The following NRXN1 variants were observed in gnomAD, a reference collection of about 807,000 sequenced individuals.
NRXN1 encodes the protein neurexin-1.
A neutral mutation model predicts 150.9 loss-of-function variants in NRXN1; 39 were observed. That is an observed-to-expected ratio of 0.26 (90% confidence interval 0.20 to 0.34). The LOEUF (loss-of-function observed/expected upper bound fraction) is 0.34. NRXN1 is among the 10% of genes least tolerant of loss of function. The pLI, the probability that NRXN1 is intolerant of heterozygous loss-of-function variation, is 1.00. For synonymous variants in NRXN1, 924 were observed against 757.0 expected, an observed-to-expected ratio of 1.22 and a Z score of -3.62; for missense variants, 1,815 against 1,949.9, an observed-to-expected ratio of 0.93 and a Z score of 1.30.
intron 17 of NRXN1, among the ~76,000 whole-genome samples, chr2:50,409,659 T>C (rs1457780460): frequency 6.6e-6 from 1 of 152,232 alleles, no homozygotes; most frequent in African/African-American, 2.4e-5. Context: ...CTTTTTGAGT[T>C]AAGCCCTGTT....
chr2:50,685,148 T>G (rs563084120), intron 5 of NRXN1, among the ~76,000 whole-genome samples: 1 of 152,346 alleles, frequency 6.6e-6, no homozygotes, highest in Admixed American at 6.5e-5. Flanking sequence ...TTATTATTTT[T>G]ATTATTATTT....
At chr2:50,444,618 T>C (rs1325981566) in intron 17 of NRXN1, among the ~76,000 whole-genome samples, 1 of 152,108 alleles carries the variant, frequency 6.6e-6, no homozygotes, top group Admixed American at 6.6e-5. Context: ...TCAGGGGCAA[T>C]ATTTAAGAGG....
intron 5 of NRXN1, among the ~76,000 whole-genome samples, chr2:50,845,169 T>A (rs1022139710): frequency 6.6e-6 from 1 of 152,054 alleles, no homozygotes; most frequent in Non-Finnish European, 1.5e-5. Context: ...ATTTAAAAAA[T>A]TGCCTCTGAG....
intron 5 of NRXN1, among the ~76,000 whole-genome samples, chr2:50,722,110 G>A (rs755948048): frequency 5.3e-5 from 8 of 152,054 alleles, no homozygotes; most frequent in Non-Finnish European, 1.0e-4. Context: ...GTATTCCATA[G>A]ACTCTATCAA....
chr2:50,055,154 G>T, intron 19 of NRXN1, 110 bp from the exon 20 acceptor site: 1 of 690,606 alleles, frequency 1.4e-6, no homozygotes, highest in Non-Finnish European at 2.3e-6. Context: ...TTTGAAATTT[G>T]GAATTTTAAA....
At chr2:50,362,714 G>A (rs1456575941) in intron 17 of NRXN1, among the ~76,000 whole-genome samples, 1 of 152,034 alleles carries the variant, frequency 6.6e-6, no homozygotes, top group African/African-American at 2.4e-5. Context: ...AGCTACCATT[G>A]ACTTCCTTTA....
intron 21 of NRXN1, among the ~76,000 whole-genome samples, chr2:49,988,992 T>C (rs1358519392): frequency 2.0e-5 from 3 of 152,208 alleles, no homozygotes; most frequent in Non-Finnish European, 2.9e-5. Context: ...ATCTGAAGCA[T>C]TGCCCAGCAC....
intron 18 of NRXN1, among the ~76,000 whole-genome samples, chr2:50,157,482 T>C (rs1471234868): frequency 6.6e-6 from 1 of 152,080 alleles, no homozygotes; most frequent in Admixed American, 6.6e-5. Flanking sequence ...TTATGCTACT[T>C]GAGGGCAGAA....
At chr2:51,031,689 G>C (rs1671579400) in intron 1 of NRXN1, among the ~76,000 whole-genome samples, 1 of 152,086 alleles carries the variant, frequency 6.6e-6, no homozygotes, top group East Asian at 1.9e-4. Flanking sequence ...GAAATATATG[G>C]AGAGATATTT....
At chr2:50,602,325 C>T (rs188238256) in intron 8 of NRXN1, among the ~76,000 whole-genome samples, 3 of 151,964 alleles carry the variant, frequency 2.0e-5, no homozygotes, top group Non-Finnish European at 4.4e-5. Flanking sequence ...CTTCCTGATA[C>T]ATCCTCAGAG....
At chr2:50,395,602 G>A (rs1353170851) in intron 17 of NRXN1, among the ~76,000 whole-genome samples, 2 of 152,134 alleles carry the variant, frequency 1.3e-5, no homozygotes, top group East Asian at 1.9e-4. Context: ...GTACTCTGCT[G>A]AAACTTGTGA....
intron 5 of NRXN1, among the ~76,000 whole-genome samples, chr2:50,663,289 C>A (rs1024719126): frequency 6.6e-6 from 1 of 152,038 alleles, no homozygotes; most frequent in Non-Finnish European, 1.5e-5. Flanking sequence ...GTTCTCACAT[C>A]TCTGTCTTTT....
At chr2:50,475,387 G>A (rs572287346) in intron 15 of NRXN1, among the ~76,000 whole-genome samples, 29 of 142,306 alleles carry the variant, frequency 2.0e-4, no homozygotes, top group Admixed American at 2.1e-4. Context: ...GGCCACGGTA[G>A]AAAAGAATAA....
chr2:50,179,653 C>T (rs1206623865), intron 18 of NRXN1, among the ~76,000 whole-genome samples: 1 of 152,146 alleles, frequency 6.6e-6, no homozygotes, highest in African/African-American at 2.4e-5. Context: ...TGCTACCAAT[C>T]TATGACCCCA....
At chr2:50,998,084 T>C (rs1699562078) in intron 2 of NRXN1, among the ~76,000 whole-genome samples, 1 of 141,526 alleles carries the variant, frequency 7.1e-6, no homozygotes, top group African/African-American at 3.0e-5. Flanking sequence ...AATGGCTGTT[T>C]ACACCAGAGT....
intron 12 of NRXN1, among the ~76,000 whole-genome samples, chr2:50,511,908 C>T (rs190174188): frequency 1.3e-4 from 20 of 152,080 alleles, no homozygotes; most frequent in African/African-American, 3.6e-4. Context: ...AAATATTAGT[C>T]TCAGAACAAA....
At chr2:50,754,095 AT>A (rs1700918520) in intron 5 of NRXN1, among the ~76,000 whole-genome samples, 1 of 151,804 alleles carries the variant, frequency 6.6e-6, no homozygotes, top group Non-Finnish European at 1.5e-5. Context: ...TGAATAGGTG[AT>A]TCATTCACTA....
At chr2:50,916,380 G>A (rs955536850) in intron 5 of NRXN1, among the ~76,000 whole-genome samples, 11 of 151,258 alleles carry the variant, frequency 7.3e-5, no homozygotes, top group Admixed American at 4.0e-4. Flanking sequence ...TCTAGTTTAA[G>A]AGCTAAAGAC....
intron 17 of NRXN1, among the ~76,000 whole-genome samples, chr2:50,288,538 G>A (rs574803173): frequency 1.3e-5 from 2 of 152,214 alleles, no homozygotes; most frequent in African/African-American, 4.8e-5. Flanking sequence ...AATTTATAAA[G>A]GAAAGAGGTT....
Sources: allele counts gnomAD v4.1 joint callset (sites outside exome capture counted in the v4.1 genomes callset), GRCh38; gene constraint gnomAD v4.1.1; transcripts MANE v1.5; gene names NCBI Gene and HGNC (gene_info 2026-07-23, HGNC 2026-07-21).